The following FAM161A variants were observed in gnomAD, a reference collection of about 807,000 sequenced individuals.
FAM161A encodes the protein protein FAM161A.
In FAM161A, 57 loss-of-function variants were observed where a neutral mutation model predicts 70.9. That is an observed-to-expected ratio of 0.80 (90% confidence interval 0.65 to 1.00). The LOEUF is 1.00. Ranked by LOEUF, FAM161A falls within the 50% of genes least tolerant of loss-of-function variation. The pLI is 0.00. For synonymous variants in FAM161A, 299 were observed against 295.7 expected (o/e 1.01, Z -0.12); for missense variants, 880 against 836.0 (o/e 1.05, Z -0.65).
intron 5 of FAM161A, 187 bp downstream of exon 5, chr2:61,835,823 C>T: frequency 1.7e-6 from 1 of 590,990 alleles, no homozygotes; most frequent in Non-Finnish European, 3.1e-6. Flanking sequence ...CACCACCACA[C>T]CTGGCTAAAT....
chr2:61,823,386 T>TATATATATATATATA (rs1558470704), downstream of FAM161A, among the ~76,000 whole-genome samples: 18 of 135,102 alleles, frequency 1.3e-4, no homozygotes, highest in East Asian at 2.1e-4. Flanking sequence ...TATATATATA[T>TATATATATATATATA]TGAGTCAGGG....
At chr2:61,803,281 G>C in the FAM161A span, 1 of 626,616 alleles carries the variant, frequency 1.6e-6, no homozygotes. Flanking sequence ...TGGTGGCTTT[G>C]GCATGATTTA....
At chr2:61,847,916 A>T (rs1246171228) in intron 1 of FAM161A, among the ~76,000 whole-genome samples, 1 of 152,324 alleles carries the variant, frequency 6.6e-6, no homozygotes, top group East Asian at 1.9e-4. Flanking sequence ...AGAAAAAAAA[A>T]ATTCCACCTT....
rs377016856 is a variant in FAM161A, at chr2:61,840,287, C to T, written c.717G>A (p.Pro239=). The T allele has an allele frequency of 6.4e-5, 104 of 1,613,924 alleles. No homozygotes were observed. Among genetic ancestry groups the T allele is most frequent in the African/African-American group, 3.2e-4 (24 of 74,880 alleles). ...CTCTTATCATCATTTGAAAAGGCTC[C>T]GGTACTGTAATTGTGGGCACCCATT... The part of the protein sequence containing the change: ...RKEWVPTITV[P]EPFQMMIREQ... Residue 239 remains proline, a synonymous_variant, in exon 3 of 7, where the codon CCG becomes CCA. Transcript: ENST00000404929.
At chr2:61,830,276 C>T (rs1353016666) in intron 5 of FAM161A, among the ~76,000 whole-genome samples, 1 of 152,144 alleles carries the variant, frequency 6.6e-6, no homozygotes, top group Non-Finnish European at 1.5e-5. Context: ...CCTGGCATTT[C>T]ACCACCAAGG....
chr2:61,810,871 G>A, the FAM161A span, among the ~76,000 whole-genome samples: 1 of 152,242 alleles, frequency 6.6e-6, no homozygotes, highest in African/African-American at 2.4e-5. Flanking sequence ...TGAGGTGGAA[G>A]CCATCAGTAT....
Position 61,839,553 on chromosome 2 carries a change from T to C in FAM161A, c.1451A>G (p.Lys484Arg). ...ADIEADEENL[K>R]ETRWPYLSPR... is the part of the protein sequence containing the mutation. ...AGACAAATAAGGCCAACGTGTTTCTTTTAAATTTTCTTCATCTGCTTCGAT... is the reference window on the plus strand; with the variant it reads ...AGACAAATAAGGCCAACGTGTTTCTCTTAAATTTTCTTCATCTGCTTCGAT... Residue 484 changes from lysine (K) to arginine (R), a missense_variant, in exon 3 of 7, where the codon AAA becomes AGA. By Grantham distance (26) the Lys-to-Arg change is conservative. Transcript: ENST00000404929. The C allele has an allele frequency of 1.2e-6, 2 of 1,614,238 alleles. No homozygotes were observed. Among genetic ancestry groups the C allele is most frequent in the African/African-American group, 1.3e-5 (1 of 75,064 alleles).
At position 61,840,413 on chromosome 2, in the gene FAM161A, C is replaced by T; in HGVS notation, c.591G>A (p.Glu197=). ...AGTCTGTCCACATATTGTTGATGAG[C>T]TCCTTAGCATAGGTCATCATTCTGT... ...RKNRMMTYAK[E]LINNMWTDFC... Residue 197 remains glutamate (E), a synonymous_variant, in exon 3 of 7, where the codon GAG becomes GAA. Coordinates refer to ENST00000404929, the MANE Select transcript of FAM161A (RefSeq NM_001201543.2). The T allele has an allele frequency of 1.2e-6, 2 of 1,614,074 alleles. No homozygotes were observed. Among genetic ancestry groups the T allele is most frequent in the Non-Finnish European group, 1.7e-6 (2 of 1,180,010 alleles).
chr2:61,837,134 T>C (rs1446923587), intron 4 of FAM161A, among the ~76,000 whole-genome samples: 2 of 152,164 alleles, frequency 1.3e-5, no homozygotes, highest in Non-Finnish European at 2.9e-5. Flanking sequence ...TCCTGAGGTG[T>C]TGGGATTACA....
downstream of FAM161A, among the ~76,000 whole-genome samples, chr2:61,822,325 A>T (rs1319264624): frequency 6.6e-6 from 1 of 152,106 alleles, no homozygotes; most frequent in Non-Finnish European, 1.5e-5. Context: ...CTTTTCTAAC[A>T]ATACAGGTAA....
chr2:61,834,045 TCAGA>T (rs957446015), intron 5 of FAM161A, among the ~76,000 whole-genome samples: 1 of 151,956 alleles, frequency 6.6e-6, no homozygotes, highest in African/African-American at 2.4e-5. Context: ...TCTAAAAAAA[TCAGA>T]CAGACAATAA....
At chr2:61,849,993 G>T (rs1673441958) in intron 1 of FAM161A, among the ~76,000 whole-genome samples, 1 of 150,770 alleles carries the variant, frequency 6.6e-6, no homozygotes. Flanking sequence ...GGGAGGGAGG[G>T]CGGCGTAGGT....
chr2:61,817,270 C>T, the FAM161A span, among the ~76,000 whole-genome samples: 1 of 152,136 alleles, frequency 6.6e-6, no homozygotes, highest in Non-Finnish European at 1.5e-5. Context: ...ACAAAACAGA[C>T]AAGCGGCTTT....
In FAM161A at chr2:61,848,859, TA is replaced by T. The variant is rs1438207449; in HGVS notation, c.183+4999del. On this transcript the variant is annotated intron_variant, in intron 1 of 6. Coordinates refer to ENST00000404929, the MANE Select transcript of FAM161A (RefSeq NM_001201543.2). ...ATATTTATATATATATTTATATATA[TA>T]TTTATATATATATTTATATATATAT... 3.8e-4 allele frequency among the ~76,000 whole-genome samples: 3 copies of T among 7,900 alleles called. 1 individual carries two copies. The highest frequency in any genetic ancestry group is 9.5e-4 in the African/African-American group (2 of 2,106). 5.2% of individuals were successfully genotyped at this position (7,900 alleles called of 152,430 possible). A position where few individuals can be genotyped will look rare whatever the true frequency, so the allele number is the denominator to read the frequency against.
At position 61,842,242 on chromosome 2, in the gene FAM161A, T is replaced by C. The variant is rs756780634; in HGVS notation, c.302A>G (p.Glu101Gly). 1.6e-5 allele frequency: 26 copies of C among 1,613,234 alleles called. No individual in the cohort carries two copies. Among genetic ancestry groups the C allele is most frequent in the Non-Finnish European group, 2.2e-5 (26 of 1,179,182 alleles). ...AGTTTCTATGTGGGCAGCCTTCAAC[T>C]CTTCTACTTTCTTGAAATACTCCTC... Reference protein sequence around the residue: ...SNEEYFKKVEELKAAHIETMA... With the variant: ...SNEEYFKKVEGLKAAHIETMA... Residue 101 changes from glutamate to glycine, a missense_variant, in exon 2 of 7, where the codon GAG (glutamate) becomes GGG (glycine). Coordinates refer to ENST00000404929, the MANE Select transcript of FAM161A (RefSeq NM_001201543.2).
At chr2:61,814,905 TA>T in the FAM161A span, among the ~76,000 whole-genome samples, 6 of 152,122 alleles carry the variant, frequency 3.9e-5, no homozygotes, top group East Asian at 1.2e-3. Flanking sequence ...GAAATACAGT[TA>T]TCCTTTCCAG....
the FAM161A span, among the ~76,000 whole-genome samples, chr2:61,811,765 C>G: frequency 2.0e-5 from 3 of 152,164 alleles, no homozygotes; most frequent in Non-Finnish European, 1.5e-5. Flanking sequence ...CTCAACCTCC[C>G]AAAGTGCTGG....
At chr2:61,851,480 G>A (rs759285648) in intron 1 of FAM161A, among the ~76,000 whole-genome samples, 1 of 151,850 alleles carries the variant, frequency 6.6e-6, no homozygotes, top group Admixed American at 6.5e-5. Context: ...GATTACAGGC[G>A]CGTGCCACCA....
Position 61,840,556 on chromosome 2 carries a change from GA to G in FAM161A, c.447del (p.His150ThrfsTer5). On this transcript the variant is annotated frameshift_variant, in exon 3 of 7. Transcript: ENST00000404929. LOFTEE classifies it high-confidence loss of function. ...SSRSVSEKNSYHPVSLMTSFS... is the reference protein window; with the variant it reads ...SSRSVSEKNSXHPVSLMTSFS... Reference sequence around the variant, plus strand: ...AATGATGTCATTAATGAGACAGGGTGATAGGAGTTCTTTTCTGATACAGATC... The same window carrying G: ...AATGATGTCATTAATGAGACAGGGTGTAGGAGTTCTTTTCTGATACAGATC... The G allele has an allele frequency of 6.2e-7, 1 of 1,612,188 alleles. No homozygotes were observed. Among genetic ancestry groups the G allele is most frequent in the South Asian group, 1.1e-5 (1 of 91,042 alleles).
Sources: gnomAD v4.1 joint callset for allele counts (sites outside exome capture counted in the v4.1 genomes callset) on GRCh38, gnomAD v4.1.1 for gene constraint, MANE v1.5 for transcripts, NCBI Gene and HGNC (gene_info 2026-07-23, HGNC 2026-07-21) for gene names.